MYO9A: variants seen among roughly 807,000 people sequenced by gnomAD.
The protein encoded by MYO9A is unconventional myosin-IXa.
A neutral mutation model predicts 293.3 loss-of-function variants in MYO9A; 103 were observed. The observed-to-expected ratio is 0.35, with a 90% CI of 0.30 to 0.41. MYO9A has a LOEUF of 0.41. Ranked by LOEUF, MYO9A falls within the 10% of genes least tolerant of loss-of-function variation. The pLI, the probability that MYO9A is intolerant of heterozygous loss-of-function variation, is 1.00. For missense variants in MYO9A, 2,685 were observed against 3,033.0 expected, an observed-to-expected ratio of 0.89 and a Z score of 2.69; for synonymous variants, 1,001 against 1,035.7, an observed-to-expected ratio of 0.97 and a Z score of 0.64.
At chr15:72,109,570 A>G (rs2080702846) in intron 1 of MYO9A, among the ~76,000 whole-genome samples, 1 of 152,164 alleles carries the variant, frequency 6.6e-6, no homozygotes, top group South Asian at 2.1e-4. Flanking sequence ...AACTAAAAGA[A>G]AACAGAGTTG....
At chr15:72,043,385 T>C (rs1224804477) in intron 2 of MYO9A, among the ~76,000 whole-genome samples, 1 of 152,052 alleles carries the variant, frequency 6.6e-6, no homozygotes, top group East Asian at 1.9e-4. Flanking sequence ...GAGAAAAAAA[T>C]GCATATGTCT....
intron 16 of MYO9A, among the ~76,000 whole-genome samples, chr15:71,938,199 A>T (rs2058686740): frequency 6.6e-6 from 1 of 152,130 alleles, no homozygotes; most frequent in Non-Finnish European, 1.5e-5. Flanking sequence ...CAATGAAGTT[A>T]TACCTTCATT....
At chr15:72,087,463 G>C (rs2079775889) in intron 1 of MYO9A, among the ~76,000 whole-genome samples, 1 of 152,188 alleles carries the variant, frequency 6.6e-6, no homozygotes, top group South Asian at 2.1e-4. Context: ...TGAAGTTTGA[G>C]GGATCTCCTC....
intron 1 of MYO9A, among the ~76,000 whole-genome samples, chr15:72,100,563 C>G (rs1162651292): frequency 6.6e-6 from 1 of 151,798 alleles, no homozygotes; most frequent in African/African-American, 2.4e-5. Flanking sequence ...AGGAGCGTCT[C>G]TGCCCGGCCG....
intron 1 of MYO9A, among the ~76,000 whole-genome samples, chr15:72,072,288 C>T (rs894892592): frequency 7.9e-5 from 12 of 151,944 alleles, no homozygotes; most frequent in African/African-American, 1.7e-4. Flanking sequence ...CCCGCCACCA[C>T]GCCTGGCTAA....
intron 32 of MYO9A, among the ~76,000 whole-genome samples, chr15:71,872,576 T>A (rs916831603): frequency 1.3e-5 from 2 of 152,158 alleles, no homozygotes; most frequent in South Asian, 4.1e-4. Context: ...TACTCACATG[T>A]ACCCCCAAAA....
intron 4 of MYO9A, among the ~76,000 whole-genome samples, chr15:72,026,614 T>C (rs1364686905): frequency 6.7e-6 from 1 of 149,918 alleles, no homozygotes; most frequent in Non-Finnish European, 1.5e-5. Context: ...ATAAATGAAA[T>C]AGGAAATAGG....
chr15:72,052,173 G>C (rs1235056598), intron 1 of MYO9A, among the ~76,000 whole-genome samples: 1 of 152,154 alleles, frequency 6.6e-6, no homozygotes, highest in Non-Finnish European at 1.5e-5. Flanking sequence ...GCAGGGAGAA[G>C]CTACCCACCC....
intron 2 of MYO9A, among the ~76,000 whole-genome samples, chr15:72,035,487 A>G (rs935144032): frequency 2.0e-5 from 3 of 152,200 alleles, no homozygotes; most frequent in Non-Finnish European, 4.4e-5. Flanking sequence ...AATTTCAAAG[A>G]TACAACACTG....
chr15:71,967,556 A>T (rs779673854), intron 13 of MYO9A, among the ~76,000 whole-genome samples: 1 of 152,178 alleles, frequency 6.6e-6, no homozygotes, highest in African/African-American at 2.4e-5. Flanking sequence ...AATGGACAAC[A>T]TTATTAAGAT....
chr15:71,903,176 C>T, intron 21 of MYO9A, 113 bp from the exon 22 acceptor site: 2 of 857,694 alleles, frequency 2.3e-6, no homozygotes, highest in South Asian at 3.5e-5. Context: ...AGGGTGAAAC[C>T]AAGACGTGCA....
chr15:72,080,544 A>G (rs1407902417), intron 1 of MYO9A, among the ~76,000 whole-genome samples: 2 of 151,928 alleles, frequency 1.3e-5, no homozygotes, highest in Non-Finnish European at 2.9e-5. Context: ...AAATGCAAAG[A>G]TCCTCCCAGT....
At chr15:71,974,435 G>C (rs565143634) in intron 12 of MYO9A, among the ~76,000 whole-genome samples, 11 of 152,306 alleles carry the variant, frequency 7.2e-5, no homozygotes, top group African/African-American at 2.6e-4. Flanking sequence ...GTTGGGGAAG[G>C]TGCTGGTATG....
chr15:71,923,018 GTC>G, intron 18 of MYO9A, among the ~76,000 whole-genome samples: 1 of 152,234 alleles, frequency 6.6e-6, no homozygotes, highest in Admixed American at 6.5e-5. Flanking sequence ...CTGTCTGTGA[GTC>G]TGTCATGTGG....
Position 72,075,395 on chromosome 15 carries a change from C to A in MYO9A, c.-71-28761G>T, listed in dbSNP as rs1047690552. 2.0e-5 allele frequency among the ~76,000 whole-genome samples: 3 copies of A among 151,760 alleles called. No homozygotes were observed. In the South Asian group the frequency reaches 6.2e-4, roughly 31 times the overall value. On this transcript the variant is annotated intron_variant, in intron 1 of 41. Coordinates refer to ENST00000356056, the MANE Select transcript of MYO9A (RefSeq NM_006901.4). ...CACGGATGATGCAGATTGGAATGAG[C>A]AAAGACTTTAAAATAAATTTTATAA...
At chr15:72,045,637 T>C in intron 2 of MYO9A, 87 bp downstream of exon 2, 1 of 1,381,674 alleles carries the variant, frequency 7.2e-7, no homozygotes, top group South Asian at 1.5e-5. Context: ...GACCTGGTAT[T>C]GCAGTACCTC....
rs145103974 is a variant in MYO9A, at chr15:71,892,254, G to C, written c.5142+1425C>G. 11 of 152,316 alleles carry C rather than the reference G, an allele frequency of 7.2e-5. No homozygotes were observed. In the East Asian group the frequency reaches 2.1e-3, roughly 29 times the overall value. 9.4% of individuals were successfully genotyped at this position (152,316 alleles called of 1,614,324 possible). On this transcript the variant is annotated intron_variant, in intron 26 of 41. Transcript: ENST00000356056. ...TCAAACACAACACCAATGTTATATT[G>C]TGTGATTAATACAAATTCACATTAC...
chr15:71,906,929 A>C (rs1596159731), intron 19 of MYO9A, among the ~76,000 whole-genome samples: 1 of 137,662 alleles, frequency 7.3e-6, no homozygotes, highest in African/African-American at 2.7e-5. Context: ...CACCCGGCTA[A>C]TTTTTTTTTT....
chr15:71,874,746 G>A (rs1185807132), intron 32 of MYO9A, among the ~76,000 whole-genome samples: 1 of 152,114 alleles, frequency 6.6e-6, no homozygotes, highest in East Asian at 1.9e-4. Flanking sequence ...GTAGAGTCTT[G>A]ATCAGACTCC....
Sources: allele counts gnomAD v4.1 joint callset (sites outside exome capture counted in the v4.1 genomes callset), GRCh38; gene constraint gnomAD v4.1.1; transcripts MANE v1.5; gene names NCBI Gene and HGNC (gene_info 2026-07-23, HGNC 2026-07-21).